Variants in ZNF518A observed in about 807,000 individuals in gnomAD.
ZNF518A encodes the protein zinc finger protein 518A.
Under a neutral mutation model 102.7 loss-of-function variants are expected in ZNF518A, and 47 were observed. The ratio of observed to expected loss-of-function variants is 0.46; its 90% CI spans 0.36 to 0.58. The LOEUF (loss-of-function observed/expected upper bound fraction) is 0.58. ZNF518A is among the 20% of genes least tolerant of loss of function. The probability of loss-of-function intolerance (pLI) is 0.00; values close to 1 mark genes in which losing one functional copy is unlikely to be tolerated. For synonymous variants in ZNF518A, 652 were observed against 594.6 expected, an observed-to-expected ratio of 1.10 and a Z score of -1.40; for missense variants, 1,793 against 1,699.8, an observed-to-expected ratio of 1.05 and a Z score of -0.96.
chr10:96,142,355 T>TGTGTGTGTGTGTG (rs1564748588), intron 3 of ZNF518A, among the ~76,000 whole-genome samples: 1 of 146,748 alleles, frequency 6.8e-6, no homozygotes, highest in Non-Finnish European at 1.5e-5. Context: ...TGTGTGTGTG[T>TGTGTGTGTGTGTG]TTCTAGATTC....
At chr10:96,197,650 CAG>C (rs2083503245) in intron 1 of ZNF518A, among the ~76,000 whole-genome samples, 1 of 151,904 alleles carries the variant, frequency 6.6e-6, no homozygotes, top group Non-Finnish European at 1.5e-5. Flanking sequence ...AAGAAGAAAA[CAG>C]AGGTTGGGAA....
chr10:96,159,410 A>G lies in ZNF518A; in HGVS notation c.3088A>G (p.Ser1030Gly), dbSNP rs782697974. ...TTGTCTTACACCTGGACTTTGTTCC[A>G]GCATTGGCAGTTGTTTGAGCATGAA... ...NNCLTPGLCS[S>G]IGSCLSMKSS... Residue 1030 changes from serine (S) to glycine (G), a missense_variant, in exon 6 of 6, where the codon AGC (serine) becomes GGC (glycine). Ser to Gly is a moderately conservative substitution (Grantham distance 56). Around this residue, in one of 3 missense-constraint regions of ZNF518A, gnomAD observed 1,741 missense variants for 1,622.6 expected, o/e 1.07. Transcript: ENST00000316045. The G allele has an allele frequency of 5.6e-6, 9 of 1,613,828 alleles. No homozygotes were observed. Among genetic ancestry groups the G allele is most frequent in the Non-Finnish European group, 6.8e-6 (8 of 1,179,804 alleles).
downstream of ZNF518A, among the ~76,000 whole-genome samples, chr10:96,165,910 G>T (rs587614444): frequency 6.6e-6 from 1 of 152,276 alleles, no homozygotes; most frequent in East Asian, 1.9e-4. Context: ...AGCTAGAGAC[G>T]TAGTGATGGT....
Position 96,158,659 on chromosome 10 carries a change from G to T in ZNF518A, c.2337G>T (p.Leu779=), listed in dbSNP as rs2082830313. 6.2e-6 allele frequency: 10 copies of T among 1,613,060 alleles called. No homozygotes were observed. Among genetic ancestry groups the T allele is most frequent in the Non-Finnish European group, 8.5e-6 (10 of 1,179,592 alleles). Residue 779 remains leucine (L), a synonymous_variant, in exon 6 of 6, where the codon CTG becomes CTT. Transcript: ENST00000316045. ...SLQSQQASEF[L]PPEVNQLLQD... ...AGAGCCAACAGGCATCAGAATTTCT[G>T]CCACCTGAAGTAAACCAATTGCTTC...
chr10:96,166,616 AAAAT>A (rs1554890409), downstream of ZNF518A, among the ~76,000 whole-genome samples: 1 of 152,148 alleles, frequency 6.6e-6, no homozygotes. Context: ...AAAATACAAA[AAAAT>A]AGCCAGGCAT....
chr10:96,203,094 GA>G (rs2083690644), intron 1 of ZNF518A, among the ~76,000 whole-genome samples: 1 of 152,138 alleles, frequency 6.6e-6, no homozygotes, highest in South Asian at 2.1e-4. Context: ...TAAGTTTCAT[GA>G]GGACAGGGTC....
intron 3 of ZNF518A, among the ~76,000 whole-genome samples, chr10:96,154,879 T>G (rs1259034588): frequency 1.3e-5 from 2 of 152,206 alleles, no homozygotes; most frequent in African/African-American, 4.8e-5. Flanking sequence ...TCTCTTAATA[T>G]GTAATTCAAC....
chr10:96,182,697 G>A (rs1038595874), intron 1 of ZNF518A, among the ~76,000 whole-genome samples: 1 of 152,288 alleles, frequency 6.6e-6, no homozygotes, highest in Admixed American at 6.5e-5. Flanking sequence ...TGGTGGATAA[G>A]CTTTTTGATG....
chr10:96,159,964 C>G lies in ZNF518A; in HGVS notation c.3642C>G (p.Cys1214Trp). 1 of 1,613,418 alleles carries G rather than the reference C, an allele frequency of 6.2e-7. No homozygotes were observed. Among genetic ancestry groups the G allele is most frequent in the Non-Finnish European group, 8.5e-7 (1 of 1,179,692 alleles). Residue 1214 changes from cysteine to tryptophan, a missense_variant, in exon 6 of 6, where the codon TGC becomes TGG. Around this residue, in one of 3 missense-constraint regions of ZNF518A, gnomAD observed 1,741 missense variants for 1,622.6 expected, o/e 1.07. Coordinates refer to ENST00000316045, the MANE Select transcript of ZNF518A (RefSeq NM_001330736.2). ...NEIVITSTAT[C>W]PESSEEPICV... ...TTGTGATAACTTCTACTGCAACATG[C>G]CCAGAATCTTCTGAGGAACCAATAT... is the stretch of plus-strand genomic sequence containing the variant.
intron 1 of ZNF518A, among the ~76,000 whole-genome samples, chr10:96,169,003 A>G (rs587681401): frequency 1.4e-4 from 21 of 152,032 alleles, no homozygotes; most frequent in South Asian, 2.1e-4. Flanking sequence ...GACTCATCCT[A>G]TGGGTATGCT....
At chr10:96,192,992 T>C (rs1250962474) in intron 1 of ZNF518A, among the ~76,000 whole-genome samples, 1 of 152,206 alleles carries the variant, frequency 6.6e-6, no homozygotes, top group Non-Finnish European at 1.5e-5. Flanking sequence ...TTTTTAAGTG[T>C]TTATTAATTG....
chr10:96,156,522 T>C lies in ZNF518A; in HGVS notation c.200T>C (p.Val67Ala), dbSNP rs781968889. The change falls in exon 6 of 6, where the codon GTT (valine) becomes GCT (alanine). Residue 67 changes from valine to alanine, a missense_variant. Val to Ala is a moderately conservative substitution (Grantham distance 64). Transcript: ENST00000316045. ...IPNEVLLKHE[V>A]DKYRKLFQSK... is the part of the protein sequence containing the mutation. ...AATGAAGTCCTATTGAAACATGAAG[T>C]TGACAAATACAGAAAATTATTTCAG... The C allele has an allele frequency of 6.2e-7, 1 of 1,610,960 alleles. No homozygotes were observed. The highest frequency in any genetic ancestry group is 1.1e-5 in the South Asian group (1 of 89,992).
intron 1 of ZNF518A, among the ~76,000 whole-genome samples, chr10:96,184,420 G>A (rs1453005045): frequency 2.6e-5 from 4 of 152,182 alleles, no homozygotes; most frequent in Non-Finnish European, 5.9e-5. Context: ...AATTTAGCAT[G>A]TTTTTGCAGT....
Position 96,162,179 on chromosome 10 carries a change from C to T in ZNF518A, c.*1405C>T, listed in dbSNP as rs587640010. On this transcript the variant is annotated 3_prime_UTR_variant, in exon 6 of 6. Transcript: ENST00000316045. ...ATTAAGTCTGTACATATTTTTGTAC[C>T]TTTTATGTAAATTTTGCACAGAAAT... 1 of 166,796 alleles carries T rather than the reference C, an allele frequency of 6.0e-6. No homozygotes were observed. Among genetic ancestry groups the T allele is most frequent in the East Asian group, 1.9e-4 (1 of 5,186 alleles). The allele number at this position is 166,796 out of a possible 1,614,324, so 10.3% of individuals were successfully genotyped here.
In ZNF518A at chr10:96,158,781, A is replaced by G. The variant is rs1554885097; in HGVS notation, c.2459A>G (p.His820Arg). Residue 820 changes from histidine to arginine, a missense_variant, in exon 6 of 6, where the codon CAC becomes CGC. This residue lies in a region of ZNF518A where 1,741 missense variants were observed against 1,622.6 expected (regional missense o/e 1.07). Coordinates refer to ENST00000316045, the MANE Select transcript of ZNF518A (RefSeq NM_001330736.2). Reference sequence around the variant, plus strand: ...CATTGTGACCAGTCATTTCAAAAACACGAGAGAGAAGGCAAAATTGTTGAA... The same window carrying G: ...CATTGTGACCAGTCATTTCAAAAACGCGAGAGAGAAGGCAAAATTGTTGAA... ...PLHCDQSFQK[H>R]EREGKIVESS... 6.2e-6 allele frequency: 10 copies of G among 1,613,574 alleles called. No homozygotes were observed. The highest frequency in any genetic ancestry group is 3.3e-5 in the Admixed American group (2 of 59,952).
rs2082872264 is a variant in ZNF518A, at chr10:96,159,260, T to G, written c.2938T>G (p.Leu980Val). ...LFVNKKPGMVLTLNNGKLEGV... is the reference protein window; with the variant it reads ...LFVNKKPGMVVTLNNGKLEGV... ...TGTAAACAAGAAACCTGGGATGGTT[T>G]TAACACTTAATAATGGGAAACTTGA... Residue 980 changes from leucine to valine, a missense_variant, in exon 6 of 6, where the codon TTA (leucine) becomes GTA (valine). Transcript: ENST00000316045. 24 of 1,613,594 alleles carry G rather than the reference T, an allele frequency of 1.5e-5. No individual in the cohort carries two copies. Among genetic ancestry groups the G allele is most frequent in the Non-Finnish European group, 2.0e-5 (24 of 1,179,734 alleles).
chr10:96,202,458 G>C (rs782562653), intron 1 of ZNF518A, among the ~76,000 whole-genome samples: 1 of 152,192 alleles, frequency 6.6e-6, no homozygotes, highest in African/African-American at 2.4e-5. Flanking sequence ...AAGCAAGTGA[G>C]AAGTCAAGGG....
chr10:96,144,308 A>T (rs1160603840), intron 3 of ZNF518A, among the ~76,000 whole-genome samples: 3 of 150,556 alleles, frequency 2.0e-5, no homozygotes, highest in African/African-American at 7.3e-5. Flanking sequence ...TTTAAAAATT[A>T]AAAAAAAAAT....
chr10:96,141,748 ATTTT>A (rs11361841), intron 3 of ZNF518A, among the ~76,000 whole-genome samples: 7 of 125,054 alleles, frequency 5.6e-5, no homozygotes, highest in Non-Finnish European at 3.4e-5. Context: ...TTTCTTCTTC[ATTTT>A]TTTTTTTTTT....
Sources: gnomAD v4.1 joint callset for allele counts (sites outside exome capture counted in the v4.1 genomes callset) on GRCh38, gnomAD v4.1.1 for gene constraint, gnomAD v4.1.1 regional missense constraint, MANE v1.5 for transcripts, NCBI Gene and HGNC (gene_info 2026-07-23, HGNC 2026-07-21) for gene names.